The following PPP5C variants were observed in gnomAD, a reference collection of about 807,000 sequenced individuals.
PPP5C encodes the protein protein phosphatase 5 catalytic subunit.
In PPP5C, 21 loss-of-function variants were observed where a neutral mutation model predicts 66.7. The ratio of observed to expected loss-of-function variants is 0.31; its 90% CI spans 0.22 to 0.45. PPP5C has a LOEUF of 0.45. PPP5C is among the 20% of genes least tolerant of loss of function. PPP5C has a pLI of 1.00. For synonymous variants in PPP5C, 246 were observed against 257.4 expected, an observed-to-expected ratio of 0.96 and a Z score of 0.43; for missense variants, 464 against 675.9, an observed-to-expected ratio of 0.69 and a Z score of 3.48.
At position 46,383,703 on chromosome 19, in the gene PPP5C, AC is replaced by A; in HGVS notation, c.700-74del. 2 of 1,236,020 alleles carry A rather than the reference AC, an allele frequency of 1.6e-6. No homozygotes were observed. Among genetic ancestry groups the A allele is most frequent in the Non-Finnish European group, 2.4e-6 (2 of 848,126 alleles). The allele number at this position is 1,236,020 out of a possible 1,614,324, so 76.6% of individuals were successfully genotyped here. ...TCTTCTTGGTCTACTGTGAACTCTT[AC>A]CCTTCCCCTCACCTCTGCCCCCTCC... On this transcript the variant is annotated intron_variant, in intron 5 of 12. Coordinates refer to ENST00000012443, the MANE Select transcript of PPP5C (RefSeq NM_006247.4). The surrounding 1 kb of genome is among the most constrained non-coding windows in gnomAD (Gnocchi z 5.0).
rs1227278235 is a variant in PPP5C, at chr19:46,390,927, G to A, written c.*581G>A. ...CCTGCTCAGGAGATCCGGAGGGTGG[G>A]GAGGCCGCAAAGTCCCGCTGGCCGG... is the stretch of plus-strand genomic sequence containing the variant. On this transcript the variant is annotated 3_prime_UTR_variant, in exon 13 of 13. Coordinates refer to ENST00000012443, the MANE Select transcript of PPP5C (RefSeq NM_006247.4). 6.0e-6 allele frequency: 7 copies of A among 1,174,256 alleles called. No homozygotes were observed. The highest frequency in any genetic ancestry group is 1.6e-5 in the African/African-American group (1 of 62,338). The allele number at this position is 1,174,256 out of a possible 1,614,324, so 72.7% of individuals were successfully genotyped here.
In PPP5C at chr19:46,383,057, C is replaced by G; in HGVS notation, c.634-354C>G. 2 of 1,109,368 alleles carry G rather than the reference C, an allele frequency of 1.8e-6. No individual in the cohort carries two copies. Among genetic ancestry groups the G allele is most frequent in the Non-Finnish European group, 2.3e-6 (2 of 868,888 alleles). The allele number at this position is 1,109,368 out of a possible 1,614,324, so 68.7% of individuals were successfully genotyped here. ...AGTCTCACTTCTTTTTTGGGAGACT[C>G]TTTTATGACAGTGACATTGCGCTGT... On this transcript the variant is annotated intron_variant, in intron 4 of 12. Coordinates refer to ENST00000012443, the MANE Select transcript of PPP5C (RefSeq NM_006247.4). The surrounding 1 kb of genome is among the most constrained non-coding windows in gnomAD (Gnocchi z 5.0).
intron 2 of PPP5C, among the ~76,000 whole-genome samples, chr19:46,361,340 A>G (rs1375356027): frequency 1.3e-5 from 2 of 150,226 alleles, no homozygotes; most frequent in Non-Finnish European, 3.0e-5. Context: ...TGTGTTAGCC[A>G]GGATGGTCTC....
In PPP5C at chr19:46,371,539, A is replaced by C. The variant is rs534930973; in HGVS notation, c.364-4065A>C. Among the ~76,000 whole-genome samples, 4 of 152,326 alleles carry C rather than the reference A, an allele frequency of 2.6e-5. No individual in the cohort carries two copies. In the East Asian group the frequency reaches 7.7e-4, roughly 29 times the overall value. ...GTAGCTCACTCCACTGAGGTTGCAC[A>C]GCCAGGAGGTGGCAGCTTTGTCCCA... On this transcript the variant is annotated intron_variant, in intron 2 of 12. Coordinates refer to ENST00000012443, the MANE Select transcript of PPP5C (RefSeq NM_006247.4).
chr19:46,365,107 C>T (rs1972468439), intron 2 of PPP5C, among the ~76,000 whole-genome samples: 2 of 152,170 alleles, frequency 1.3e-5, no homozygotes, highest in Admixed American at 6.5e-5. Context: ...CTCGGTCTCC[C>T]AAGTAGCTGG....
Position 46,353,620 on chromosome 19 carries a change from A to T in PPP5C, c.122-128A>T, listed in dbSNP as rs1033836923. 1.3e-5 allele frequency: 18 copies of T among 1,367,542 alleles called. No individual in the cohort carries two copies. In the African/African-American group the frequency reaches 1.4e-4, roughly 11 times the overall value. The allele number at this position is 1,367,542 out of a possible 1,614,324, so 84.7% of individuals were successfully genotyped here. A position where few individuals can be genotyped will look rare whatever the true frequency, so the allele number is the denominator to read the frequency against. Reference sequence around the variant, plus strand: ...CAGGCAGGAGGGGCAGGCTGAAGAGATGTCTCTGGGCTCAGGGTAGCCCTC... The same window carrying T: ...CAGGCAGGAGGGGCAGGCTGAAGAGTTGTCTCTGGGCTCAGGGTAGCCCTC... On this transcript the variant is annotated intron_variant, in intron 1 of 12. Coordinates refer to ENST00000012443, the MANE Select transcript of PPP5C (RefSeq NM_006247.4).
intron 4 of PPP5C, among the ~76,000 whole-genome samples, chr19:46,377,666 C>T (rs1042807306): frequency 3.3e-5 from 5 of 152,228 alleles, no homozygotes; most frequent in Non-Finnish European, 5.9e-5. Context: ...CCCTCACTCC[C>T]ATCCCAGGGG....
Position 46,388,533 on chromosome 19 carries a change from T to C in PPP5C, c.1177-20T>C, listed in dbSNP as rs1220713896. The C allele has an allele frequency of 2.5e-6, 4 of 1,612,452 alleles. No homozygotes were observed. The African/African-American group carries it at 4.0e-5, about 16-fold the overall frequency. On this transcript the variant is annotated intron_variant, in intron 10 of 12. Transcript: ENST00000012443. The surrounding 1 kb of genome is among the most constrained non-coding windows in gnomAD (Gnocchi z 4.9). ...GACAGTCACCCTGAACCCCTGTCTC[T>C]CCCTTCTGCCCACCCTCAGAACGGG...
chr19:46,383,482 C>A lies in PPP5C; in HGVS notation c.699+6C>A. 2 of 1,573,008 alleles carry A rather than the reference C, an allele frequency of 1.3e-6. No individual in the cohort carries two copies. Among genetic ancestry groups the A allele is most frequent in the South Asian group, 1.1e-5 (1 of 89,440 alleles). On this transcript the variant is annotated splice_donor_region_variant and intron_variant, in intron 5 of 12. Coordinates refer to ENST00000012443, the MANE Select transcript of PPP5C (RefSeq NM_006247.4). The surrounding 1 kb of genome is among the most constrained non-coding windows in gnomAD (Gnocchi z 5.0). ...TGGAAACCACACTCAAAGAGGTGCG[C>A]GTTGTGGGGCAGTGCGGGGAGGGCC...
In PPP5C at chr19:46,376,371, C is replaced by T; in HGVS notation, c.512-82C>T. The T allele has an allele frequency of 1.9e-6, 3 of 1,549,814 alleles. No individual in the cohort carries two copies. The highest frequency in any genetic ancestry group is 2.6e-6 in the Non-Finnish European group (3 of 1,138,472). ...ACCTGTGTGTCCACACCCAAGTTTT[C>T]CCCATCCCTGGGAGCGAGACCCCCT... On this transcript the variant is annotated intron_variant, in intron 3 of 12. Coordinates refer to ENST00000012443, the MANE Select transcript of PPP5C (RefSeq NM_006247.4). This position sits in a 1 kb window ranked among gnomAD's most constrained non-coding sequence, Gnocchi z 5.1.
At chr19:46,387,604 G>T (rs989006939) in intron 9 of PPP5C, 151 bp downstream of exon 9, 1 of 1,541,908 alleles carries the variant, frequency 6.5e-7, no homozygotes, top group Non-Finnish European at 8.7e-7. Context: ...TGCGACTTGG[G>T]CCAGTGCACC....
intron 1 of PPP5C, among the ~76,000 whole-genome samples, chr19:46,348,511 G>A (rs1188088981): frequency 6.6e-6 from 1 of 151,840 alleles, no homozygotes; most frequent in Non-Finnish European, 1.5e-5. Flanking sequence ...ATGGGGTTTC[G>A]CCATGTTGGC....
At chr19:46,372,686 T>C (rs118164870) in intron 2 of PPP5C, among the ~76,000 whole-genome samples, 2,287 of 152,368 alleles carry the variant, frequency 0.015, 33 homozygotes, top group Non-Finnish European at 0.026. Context: ...CTTGTTTACT[T>C]AGCACTGTGG....
rs1230962036 is a variant in PPP5C at position 46,384,836 on chromosome 19, C to T, written c.831C>T (p.Ser277=). ...ATGGTGACTTTGTGGACCGAGGCTC[C>T]TTCTCTGTAGAAGTGATCCTCACCC... ...IFNGDFVDRG[S]FSVEVILTLF... is the part of the protein sequence containing the mutation. Residue 277 remains serine (S), a synonymous_variant, in exon 7 of 13, where the codon TCC becomes TCT. Transcript: ENST00000012443. 1 of 1,614,158 alleles carries T rather than the reference C, an allele frequency of 6.2e-7. No homozygotes were observed. Among genetic ancestry groups the T allele is most frequent in the South Asian group, 1.1e-5 (1 of 91,070 alleles).
At chr19:46,374,799 T>C (rs1439987188) in intron 2 of PPP5C, among the ~76,000 whole-genome samples, 1 of 152,108 alleles carries the variant, frequency 6.6e-6, no homozygotes, top group Non-Finnish European at 1.5e-5. Flanking sequence ...CCAGTGGCCC[T>C]CTTGAGGGAG....
At chr19:46,356,633 G>T (rs1972291949) in intron 2 of PPP5C, among the ~76,000 whole-genome samples, 1 of 152,200 alleles carries the variant, frequency 6.6e-6, no homozygotes, top group South Asian at 2.1e-4. Flanking sequence ...GCAGAGCTGA[G>T]ACTTGAACCC....
intron 7 of PPP5C, among the ~76,000 whole-genome samples, chr19:46,385,655 C>A (rs1027031281): frequency 6.6e-6 from 1 of 152,084 alleles, no homozygotes; most frequent in South Asian, 2.1e-4. Flanking sequence ...TGGTACACGC[C>A]TGTAATCCCA....
intron 4 of PPP5C, among the ~76,000 whole-genome samples, chr19:46,379,641 G>A (rs1265915263): frequency 6.6e-6 from 1 of 152,006 alleles, no homozygotes; most frequent in African/African-American, 2.4e-5. Context: ...TTTCTTTTGT[G>A]TGAATCAGGA....
rs190261823 is a variant in PPP5C at position 46,351,876 on chromosome 19, G to A, written c.122-1872G>A. 6.1e-3 allele frequency among the ~76,000 whole-genome samples: 933 copies of A among 152,348 alleles called. 13 individuals are homozygous for A. The highest frequency in any genetic ancestry group is 8.0e-3 in the Non-Finnish European group (542 of 68,026). ...GCTGGGGCAGCCCAGTCGGGGGCCTGACCCAGCCTGGGAGTAAAGGAGGGC... is the reference window on the plus strand; with the variant it reads ...GCTGGGGCAGCCCAGTCGGGGGCCTAACCCAGCCTGGGAGTAAAGGAGGGC... On this transcript the variant is annotated intron_variant, in intron 1 of 12. Transcript: ENST00000012443.
Sources: allele counts gnomAD v4.1 joint callset (sites outside exome capture counted in the v4.1 genomes callset), GRCh38; gene constraint gnomAD v4.1.1; non-coding constraint Gnocchi (gnomAD v3.1); transcripts MANE v1.5; gene names NCBI Gene and HGNC (gene_info 2026-07-23, HGNC 2026-07-21).